The following PCDHGA4 variants were observed in gnomAD, a reference collection of about 807,000 sequenced individuals.
PCDHGA4 encodes the protein protocadherin gamma-A4.
A neutral mutation model predicts 54.6 loss-of-function variants in PCDHGA4; 38 were observed. The observed-to-expected ratio is 0.70, with a 90% CI of 0.54 to 0.91. The LOEUF is 0.91. Among genes scored for constraint, PCDHGA4 ranks in the 40% least tolerant of loss-of-function variants. The pLI is 0.00. For missense variants in PCDHGA4, 1,298 were observed against 1,220.9 expected, an observed-to-expected ratio of 1.06 and a Z score of -0.94; for synonymous variants, 511 against 512.9, an observed-to-expected ratio of 1.00 and a Z score of 0.05.
chr5:141,413,541 G>A, intron 1 of PCDHGA4: 1 of 1,613,904 alleles, frequency 6.2e-7, no homozygotes, highest in Non-Finnish European at 8.5e-7. Flanking sequence ...AACTTTTTGG[G>A]ATAGAAATAG....
At chr5:141,499,689 C>CTTT (rs545067566) in intron 2 of PCDHGA4, among the ~76,000 whole-genome samples, 57 of 119,830 alleles carry the variant, frequency 4.8e-4, no homozygotes, top group Non-Finnish European at 6.2e-4. Context: ...TAACAGATGA[C>CTTT]TTTTTTTTTT....
At chr5:141,387,848 C>T (rs746271589) in intron 1 of PCDHGA4, 1 of 1,597,460 alleles carries the variant, frequency 6.3e-7, no homozygotes, top group South Asian at 1.1e-5. Flanking sequence ...AACCCGGCGT[C>T]TCCAGGCTGG....
chr5:141,491,666 G>A lies in PCDHGA4; in HGVS notation c.2515-3141G>A, dbSNP rs373526771. 9.4e-5 allele frequency: 152 copies of A among 1,613,614 alleles called. No homozygotes were observed. The highest frequency in any genetic ancestry group is 1.2e-4 in the Non-Finnish European group (142 of 1,180,016). The stretch of plus-strand genomic sequence containing the variant: ...CTGGCGCTGGAGCCTGACGCCATCC[G>A]GTCCCGCTCTAATACGCTGCGGGAG... On this transcript the variant is annotated intron_variant, in intron 1 of 3. Coordinates refer to ENST00000571252, the MANE Select transcript of PCDHGA4 (RefSeq NM_018917.4). This position sits in a 1 kb window ranked among gnomAD's most constrained non-coding sequence, Gnocchi z 6.9.
intron 1 of PCDHGA4, chr5:141,415,317 G>T (rs778236674): frequency 6.2e-7 from 1 of 1,614,218 alleles, no homozygotes; most frequent in Non-Finnish European, 8.5e-7. Flanking sequence ...TCGTCATCGT[G>T]CTGCTGGCGC....
Position 141,510,866 on chromosome 5 carries a change from C to G in PCDHGA4, c.2663-81C>G. 1.9e-6 allele frequency: 3 copies of G among 1,607,908 alleles called. No homozygotes were observed. The East Asian group carries it at 6.7e-5, about 36-fold the overall frequency. ...AGGCCCAGGGTGCTGTATAGGCATT[C>G]ATTAACTGCTGGGGATATAAGACAG... On this transcript the variant is annotated intron_variant, in intron 3 of 3. Coordinates refer to ENST00000571252, the MANE Select transcript of PCDHGA4 (RefSeq NM_018917.4).
At chr5:141,421,017 T>TGC (rs1489188484) in intron 1 of PCDHGA4, 1 of 518,776 alleles carries the variant, frequency 1.9e-6, no homozygotes, top group African/African-American at 2.0e-5. Flanking sequence ...AATGGGAAGC[T>TGC]GCGCGCCATT....
intron 3 of PCDHGA4, among the ~76,000 whole-genome samples, chr5:141,509,381 C>T (rs181928019): frequency 6.6e-6 from 1 of 152,256 alleles, no homozygotes; most frequent in East Asian, 1.9e-4. Flanking sequence ...TGTCTCCTAA[C>T]CACAGAGGAT....
At chr5:141,390,458 G>A (rs1037400063) in intron 1 of PCDHGA4, 7 of 754,546 alleles carry the variant, frequency 9.3e-6, no homozygotes, top group Non-Finnish European at 1.5e-5. Context: ...AGTAAAGTAG[G>A]AGCAATTGTG....
intron 1 of PCDHGA4, chr5:141,365,016 G>T: frequency 5.0e-6 from 8 of 1,613,880 alleles, no homozygotes; most frequent in Non-Finnish European, 6.8e-6. Context: ...ACGCACATCC[G>T]TGTTACGGTC....
chr5:141,365,919 TGTG>T (rs1195562378), intron 1 of PCDHGA4: 1 of 1,614,178 alleles, frequency 6.2e-7, no homozygotes, highest in East Asian at 2.2e-5. Flanking sequence ...GACCTACAGT[TGTG>T]GGTGACAGCC....
intron 1 of PCDHGA4, among the ~76,000 whole-genome samples, chr5:141,475,625 G>C (rs1172186188): frequency 2.0e-5 from 3 of 152,204 alleles, no homozygotes; most frequent in African/African-American, 7.2e-5. Flanking sequence ...GGTTTGGTTC[G>C]ATCCCCTTTC....
intron 1 of PCDHGA4, among the ~76,000 whole-genome samples, chr5:141,434,452 G>T (rs2097695209): frequency 6.6e-6 from 1 of 152,334 alleles, no homozygotes; most frequent in African/African-American, 2.4e-5. Flanking sequence ...CTGGAAGGTA[G>T]TGGGTTTACC....
chr5:141,395,542 TTGTGTG>T (rs55729045), intron 1 of PCDHGA4: 20,097 of 170,756 alleles, frequency 0.12, 1,101 homozygotes, highest in Admixed American at 0.15. Context: ...TTGCTATTGT[TTGTGTG>T]TGTGTGTGTG....
chr5:141,404,835 C>T, intron 1 of PCDHGA4: 1 of 1,613,920 alleles, frequency 6.2e-7, no homozygotes, highest in Non-Finnish European at 8.5e-7. Context: ...GAAGTGCGCA[C>T]AGCTCGGGCC....
chr5:141,414,420 C>G, intron 1 of PCDHGA4: 1 of 1,613,822 alleles, frequency 6.2e-7, no homozygotes, highest in Non-Finnish European at 8.5e-7. Flanking sequence ...GAGCCCTTGA[C>G]AGGGAACAGG....
intron 1 of PCDHGA4, among the ~76,000 whole-genome samples, chr5:141,446,714 G>T (rs193229261): frequency 2.6e-5 from 4 of 152,044 alleles, no homozygotes; most frequent in African/African-American, 9.7e-5. Flanking sequence ...TGATCTGCCC[G>T]CCTCGGCCTC....
chr5:141,501,635 T>G (rs553343946), intron 2 of PCDHGA4, among the ~76,000 whole-genome samples: 1 of 152,236 alleles, frequency 6.6e-6, no homozygotes, highest in African/African-American at 2.4e-5. Flanking sequence ...TCTCAACCTC[T>G]CTGAGCCCTG....
At chr5:141,395,522 A>T in intron 1 of PCDHGA4, 1 of 398,214 alleles carries the variant, frequency 2.5e-6, no homozygotes. Flanking sequence ...ACCCGTCCAT[A>T]CTGGTAATTT....
rs1230384508 is a variant in PCDHGA4 at position 141,490,990 on chromosome 5, C to T, written c.2515-3817C>T. On this transcript the variant is annotated intron_variant, in intron 1 of 3. Coordinates refer to ENST00000571252, the MANE Select transcript of PCDHGA4 (RefSeq NM_018917.4). The surrounding 1 kb of genome is among the most constrained non-coding windows in gnomAD (Gnocchi z 5.4). ...CCCCCAGCGTCTCCCTCGCTCTGCT[C>T]CTCCTGGCTCCTTGGTCACCAAGGT... 6 of 1,614,102 alleles carry T rather than the reference C, an allele frequency of 3.7e-6. No homozygotes were observed. The highest frequency in any genetic ancestry group is 1.3e-5 in the African/African-American group (1 of 75,064).
Sources: allele counts gnomAD v4.1 joint callset (sites outside exome capture counted in the v4.1 genomes callset), GRCh38; gene constraint gnomAD v4.1.1; non-coding constraint Gnocchi (gnomAD v3.1); transcripts MANE v1.5; gene names NCBI Gene and HGNC (gene_info 2026-07-23, HGNC 2026-07-21).